The following FHL2 variants were observed in gnomAD, a reference collection of about 807,000 sequenced individuals.
FHL2 encodes four and a half LIM domains 2, also known as four and a half LIM domains protein 2.
A neutral mutation model predicts 32.7 loss-of-function variants in FHL2; 20 were observed. That is an observed-to-expected ratio of 0.61 (90% CI 0.43 to 0.89). The LOEUF (loss-of-function observed/expected upper bound fraction) is 0.89. FHL2 is among the 40% of genes least tolerant of loss of function. FHL2 has a pLI of 0.00. For synonymous variants in FHL2, 123 were observed against 128.1 expected (o/e 0.96, Z 0.27); for missense variants, 311 against 358.6 (o/e 0.87, Z 1.07).
chr2:105,416,986 C>T (rs1683953467), intron 1 of FHL2, among the ~76,000 whole-genome samples: 1 of 152,208 alleles, frequency 6.6e-6, no homozygotes, highest in African/African-American at 2.4e-5. Flanking sequence ...GAACTCACGA[C>T]TTGGGCCACT....
upstream of FHL2, among the ~76,000 whole-genome samples, chr2:105,403,368 C>T (rs543981238): frequency 4.6e-5 from 7 of 152,316 alleles, no homozygotes; most frequent in East Asian, 9.6e-4. Context: ...AAAGGATCAA[C>T]GGTGACTGTG....
intron 1 of FHL2, among the ~76,000 whole-genome samples, chr2:105,428,254 C>T (rs946138231): frequency 5.3e-5 from 8 of 152,176 alleles, no homozygotes; most frequent in Non-Finnish European, 1.0e-4. Context: ...GTAAGGGCGG[C>T]CCGTGCCACC....
chr2:105,388,074 G>C (rs1682450667), intron 2 of FHL2, among the ~76,000 whole-genome samples: 1 of 152,132 alleles, frequency 6.6e-6, no homozygotes, highest in Non-Finnish European at 1.5e-5. Context: ...TGAACACAAA[G>C]AGGTAAACAA....
chr2:105,413,904 G>A (rs1201503804), intron 1 of FHL2, among the ~76,000 whole-genome samples: 2 of 152,156 alleles, frequency 1.3e-5, no homozygotes, highest in Non-Finnish European at 2.9e-5. Flanking sequence ...CACCAGCTGG[G>A]TGTCCTCAAA....
intron 1 of FHL2, among the ~76,000 whole-genome samples, chr2:105,415,399 A>G (rs545552676): frequency 2.6e-5 from 4 of 152,322 alleles, no homozygotes; most frequent in African/African-American, 9.6e-5. Flanking sequence ...GGGAGGGGGA[A>G]AATTACTTTT....
intron 4 of FHL2, among the ~76,000 whole-genome samples, chr2:105,368,753 A>G (rs1359681789): frequency 2.0e-5 from 3 of 152,190 alleles, no homozygotes; most frequent in Non-Finnish European, 4.4e-5. Flanking sequence ...ATAGTAACGG[A>G]TGATTCCAGA....
intron 1 of FHL2, among the ~76,000 whole-genome samples, chr2:105,433,464 G>C (rs1684498347): frequency 6.6e-6 from 1 of 152,184 alleles, no homozygotes; most frequent in African/African-American, 2.4e-5. Context: ...TTACAGGCGT[G>C]AGCCACCGCG....
At chr2:105,431,805 G>A (rs759224878) in intron 1 of FHL2, among the ~76,000 whole-genome samples, 1 of 152,202 alleles carries the variant, frequency 6.6e-6, no homozygotes, top group Non-Finnish European at 1.5e-5. Context: ...GGGGTTGCCT[G>A]GCTGCTCCTG....
At chr2:105,436,743 G>A (rs1239629595) in intron 1 of FHL2, among the ~76,000 whole-genome samples, 6 of 152,042 alleles carry the variant, frequency 3.9e-5, no homozygotes. Flanking sequence ...ACAATTAACT[G>A]CAAAAATAGT....
At chr2:105,433,167 ATTCTTC>A (rs142202715) in intron 1 of FHL2, among the ~76,000 whole-genome samples, 11,048 of 145,622 alleles carry the variant, frequency 0.076, 741 homozygotes, top group East Asian at 0.22. Flanking sequence ...CAAAGTCCTC[ATTCTTC>A]TTCTTCTTCT....
intron 6 of FHL2, 47 bp from the exon 7 acceptor site, chr2:105,361,481 G>A (rs752907057): frequency 6.4e-7 from 1 of 1,557,986 alleles, no homozygotes; most frequent in African/African-American, 1.4e-5. Context: ...GTTAGAATCA[G>A]GCAACTGGGA....
At chr2:105,415,128 A>G (rs1558727713) in intron 1 of FHL2, among the ~76,000 whole-genome samples, 1 of 152,246 alleles carries the variant, frequency 6.6e-6, no homozygotes, top group Non-Finnish European at 1.5e-5. Flanking sequence ...GTTTATAGGT[A>G]GGGGCAGAGT....
chr2:105,381,661 ATTAAAT>A (rs1681896150), intron 3 of FHL2, among the ~76,000 whole-genome samples: 3 of 152,202 alleles, frequency 2.0e-5, no homozygotes, highest in African/African-American at 4.8e-5. Flanking sequence ...ACCCTGCTTG[ATTAAAT>A]TCCCTTCACA....
intron 1 of FHL2, among the ~76,000 whole-genome samples, chr2:105,425,227 CA>C (rs1242120700): frequency 1.0e-5 from 1 of 99,068 alleles, no homozygotes; most frequent in Non-Finnish European, 1.9e-5. Flanking sequence ...TGTATAAAAT[CA>C]AGGTTTTAAG....
At chr2:105,414,102 G>C (rs551519037) in intron 1 of FHL2, among the ~76,000 whole-genome samples, 2 of 152,310 alleles carry the variant, frequency 1.3e-5, no homozygotes, top group East Asian at 3.9e-4. Context: ...ATTTGGTAGA[G>C]CAGCTCACAG....
At chr2:105,375,391 T>A (rs1259776099) in intron 3 of FHL2, 2 of 152,250 alleles carry the variant, frequency 1.3e-5, no homozygotes, top group South Asian at 2.1e-4. Context: ...AATAGGATTA[T>A]TGCTGACGCA....
At chr2:105,401,991 A>G (rs193291978), upstream of FHL2, among the ~76,000 whole-genome samples, 1,743 of 151,314 alleles carry the variant, frequency 0.012, 44 homozygotes, top group African/African-American at 0.04. Context: ...AACTAAATAT[A>G]TATATACACG....
At chr2:105,378,354 C>G (rs2104554330) in intron 3 of FHL2, 1 of 371,864 alleles carries the variant, frequency 2.7e-6, no homozygotes, top group South Asian at 2.1e-5. Context: ...GCCTGTCCCC[C>G]CACACCCTGC....
intron 1 of FHL2, among the ~76,000 whole-genome samples, chr2:105,409,462 A>G (rs1182455742): frequency 6.6e-6 from 1 of 152,170 alleles, no homozygotes; most frequent in Non-Finnish European, 1.5e-5. Context: ...ATAGGGAAGG[A>G]TAGGGGAGAT....
Sources: gnomAD v4.1 joint callset for allele counts (sites outside exome capture counted in the v4.1 genomes callset) on GRCh38, gnomAD v4.1.1 for gene constraint, MANE v1.5 for transcripts, NCBI Gene and HGNC (gene_info 2026-07-23, HGNC 2026-07-21) for gene names.